TMEM71: variants seen among roughly 807,000 people sequenced by gnomAD.
The protein encoded by TMEM71 is transmembrane protein 71.
TMEM71 carries 44 observed loss-of-function variants against 38.0 expected under a neutral mutation model. The ratio of observed to expected loss-of-function variants is 1.16; its 90% CI spans 0.91 to 1.49. The LOEUF (loss-of-function observed/expected upper bound fraction) is 1.49, where lower values mean the gene tolerates loss of function less well. Among genes scored for constraint, TMEM71 ranks in the 40% most tolerant of loss-of-function variants. The probability of loss-of-function intolerance (pLI) is 0.00; values close to 1 mark genes in which losing one functional copy is unlikely to be tolerated. For synonymous variants in TMEM71, 133 were observed against 122.5 expected (o/e 1.09, Z -0.56); for missense variants, 367 against 348.6 (o/e 1.05, Z -0.42).
chr8:132,756,143 TAA>T (rs1345780454), intron 3 of TMEM71, among the ~76,000 whole-genome samples: 1 of 151,788 alleles, frequency 6.6e-6, no homozygotes, highest in Non-Finnish European at 1.5e-5. Context: ...GTATAAGGAA[TAA>T]GAGACAGTCA....
At chr8:132,744,934 ACT>A (rs1828253501) in intron 5 of TMEM71, among the ~76,000 whole-genome samples, 2 of 152,112 alleles carry the variant, frequency 1.3e-5, no homozygotes, top group Admixed American at 6.5e-5. Flanking sequence ...TAGGGAAAGG[ACT>A]CTCTATCCAA....
intron 6 of TMEM71, 110 bp downstream of exon 6, chr8:132,727,688 A>G (rs921483549): frequency 2.1e-6 from 2 of 939,290 alleles, no homozygotes; most frequent in African/African-American, 3.3e-5. Context: ...CCTTCCTCGC[A>G]CAGGTTGGTA....
downstream of TMEM71, among the ~76,000 whole-genome samples, chr8:132,709,023 A>G (rs1343539028): frequency 6.6e-6 from 1 of 152,224 alleles, no homozygotes; most frequent in African/African-American, 2.4e-5. Flanking sequence ...GTAAGCTTAT[A>G]CAGCCGGGGA....
At chr8:132,757,053 A>G (rs1169327787) in intron 3 of TMEM71, among the ~76,000 whole-genome samples, 181 bp downstream of exon 3, 1 of 143,398 alleles carries the variant, frequency 7.0e-6, no homozygotes, top group Non-Finnish European at 1.5e-5. Context: ...CGCAGCGCTG[A>G]TTTTTTTTTT....
chr8:132,758,798 C>A (rs1193820839), intron 2 of TMEM71, 42 bp downstream of exon 2: 3 of 1,574,406 alleles, frequency 1.9e-6, no homozygotes, highest in East Asian at 4.5e-5. Flanking sequence ...GGAGTCTAAT[C>A]GTTCAAAAGA....
In TMEM71 at chr8:132,747,019, T is replaced by C; in HGVS notation, c.410A>G (p.Asp137Gly). The change falls in exon 5 of 10, where the codon GAC becomes GGC. Residue 137 changes from aspartate to glycine, a missense_variant. Coordinates refer to ENST00000677595, the MANE Select transcript of TMEM71 (RefSeq NM_001382403.1). The part of the protein sequence containing the change: ...KSWLHGSIFG[D>G]INSSPSEDNW... ...GTCTTCACTTGGAGAAGAGTTGATG[T>C]CACCAAAGATACTTCCATGCAGCCA... is the stretch of plus-strand genomic sequence containing the variant. 1 of 1,613,904 alleles carries C rather than the reference T, an allele frequency of 6.2e-7. No homozygotes were observed. The highest frequency in any genetic ancestry group is 1.1e-5 in the South Asian group (1 of 91,050).
the TMEM71 span, among the ~76,000 whole-genome samples, chr8:132,767,766 C>T: frequency 1.3e-5 from 2 of 152,144 alleles, no homozygotes; most frequent in African/African-American, 2.4e-5. Flanking sequence ...TGAGCCACCG[C>T]GCCCGGCCTA....
chr8:132,764,359 A>G (rs974663628), upstream of TMEM71, among the ~76,000 whole-genome samples: 1 of 151,778 alleles, frequency 6.6e-6, no homozygotes, highest in Non-Finnish European at 1.5e-5. Flanking sequence ...TGCCAAAGTC[A>G]CTTGGCCTCT....
the TMEM71 span, among the ~76,000 whole-genome samples, chr8:132,770,582 A>G: frequency 6.6e-6 from 1 of 152,212 alleles, no homozygotes; most frequent in Admixed American, 6.5e-5. Flanking sequence ...GGATCCCCAG[A>G]ATCAAGCTAA....
chr8:132,757,203 T>C (rs778633709), intron 3 of TMEM71, 31 bp downstream of exon 3: 74 of 1,562,850 alleles, frequency 4.7e-5, no homozygotes, highest in Non-Finnish European at 6.4e-5. Context: ...GCCAGAATGA[T>C]TATTTTTTTA....
intron 6 of TMEM71, among the ~76,000 whole-genome samples, chr8:132,725,854 G>A (rs1249495993): frequency 6.6e-6 from 1 of 152,086 alleles, no homozygotes; most frequent in African/African-American, 2.4e-5. Context: ...ATAGCAGGTG[G>A]GAGAGAGATT....
chr8:132,753,345 A>C (rs1289529475), intron 3 of TMEM71, among the ~76,000 whole-genome samples: 1 of 152,214 alleles, frequency 6.6e-6, no homozygotes, highest in African/African-American at 2.4e-5. Context: ...CAGCACTGAT[A>C]GTATAATAGC....
chr8:132,739,143 A>C (rs1405730205), intron 5 of TMEM71, among the ~76,000 whole-genome samples: 1 of 152,232 alleles, frequency 6.6e-6, no homozygotes, highest in Non-Finnish European at 1.5e-5. Context: ...ACTTAAGTTA[A>C]TAGATTATTG....
At chr8:132,726,230 T>A (rs1827133798) in intron 6 of TMEM71, among the ~76,000 whole-genome samples, 1 of 151,376 alleles carries the variant, frequency 6.6e-6, no homozygotes, top group Non-Finnish European at 1.5e-5. Context: ...TTTCAACACC[T>A]GGAAAGGGAA....
chr8:132,750,811 C>CAT (rs1373125585), intron 4 of TMEM71, among the ~76,000 whole-genome samples: 4 of 152,160 alleles, frequency 2.6e-5, no homozygotes, highest in African/African-American at 9.7e-5. Context: ...ATTGTCCTAC[C>CAT]ATACATCCAG....
intron 5 of TMEM71, among the ~76,000 whole-genome samples, chr8:132,734,834 T>C (rs748384961): frequency 8.5e-5 from 13 of 152,224 alleles, no homozygotes; most frequent in Non-Finnish European, 1.3e-4. Flanking sequence ...TTCATTCTGT[T>C]TAACTTGATT....
rs1366461936 is a variant in TMEM71, at chr8:132,722,092, A to G, written c.700T>C (p.Phe234Leu). 1 of 1,614,044 alleles carries G rather than the reference A, an allele frequency of 6.2e-7. No individual in the cohort carries two copies. The highest frequency in any genetic ancestry group is 2.2e-5 in the East Asian group (1 of 44,880). The change falls in exon 7 of 10, where the codon TTC becomes CTC. Residue 234 changes from phenylalanine (F) to leucine (L), a missense_variant. Coordinates refer to ENST00000677595, the MANE Select transcript of TMEM71 (RefSeq NM_001382403.1). ...HSETRLLQEV[F>L]FQAILLAVCL... ...ACAGCAAGCAGGATTGCCTGAAAGA[A>G]GACCTCTTGCAACAACCTGGTTTCT...
chr8:132,729,455 A>C (rs534010240), intron 5 of TMEM71, among the ~76,000 whole-genome samples: 1 of 152,340 alleles, frequency 6.6e-6, no homozygotes, highest in South Asian at 2.1e-4. Context: ...AATTCGTGCC[A>C]GTTTAGAGCT....
chr8:132,728,923 G>C (rs1435474826), intron 5 of TMEM71, among the ~76,000 whole-genome samples: 6 of 152,278 alleles, frequency 3.9e-5, no homozygotes, highest in Admixed American at 1.3e-4. Context: ...GAAATGCCTA[G>C]ATAAAATATA....
Sources: allele counts gnomAD v4.1 joint callset (sites outside exome capture counted in the v4.1 genomes callset), GRCh38; gene constraint gnomAD v4.1.1; transcripts MANE v1.5; gene names NCBI Gene and HGNC (gene_info 2026-07-23, HGNC 2026-07-21).